PSD2: variants seen among roughly 807,000 people sequenced by gnomAD.
PSD2 encodes pleckstrin and Sec7 domain containing 2, also known as PH and SEC7 domain-containing protein 2.
PSD2 carries 38 observed loss-of-function variants against 69.8 expected under a neutral mutation model. The observed-to-expected ratio is 0.54, with a 90% confidence interval of 0.42 to 0.71. The LOEUF (loss-of-function observed/expected upper bound fraction) is 0.71, where lower values mean the gene tolerates loss of function less well. PSD2 is among the 30% of genes least tolerant of loss of function. The pLI, the probability that PSD2 is intolerant of heterozygous loss-of-function variation, is 0.00. For missense variants in PSD2, 943 were observed against 1,014.5 expected, an observed-to-expected ratio of 0.93 and a Z score of 0.96; for synonymous variants, 412 against 423.0, an observed-to-expected ratio of 0.97 and a Z score of 0.32.
At chr5:139,806,906 C>T (rs1033839910) in intron 1 of PSD2, among the ~76,000 whole-genome samples, 13 of 152,190 alleles carry the variant, frequency 8.5e-5, no homozygotes, top group Admixed American at 5.9e-4. Context: ...CTTGTCTGCC[C>T]ACCCCCAGAA....
intron 1 of PSD2, among the ~76,000 whole-genome samples, chr5:139,797,601 G>C (rs900536415): frequency 5.3e-5 from 8 of 152,202 alleles, no homozygotes. Context: ...AAGATAGCTG[G>C]AAGGAATGAC....
chr5:139,815,359 G>T (rs1021864134), intron 4 of PSD2, among the ~76,000 whole-genome samples: 2 of 152,108 alleles, frequency 1.3e-5, no homozygotes, highest in Non-Finnish European at 2.9e-5. Context: ...GCCTGCCCCT[G>T]CCCTCTCCCA....
intron 1 of PSD2, among the ~76,000 whole-genome samples, chr5:139,796,735 G>A (rs1759540450): frequency 6.6e-6 from 1 of 152,240 alleles, no homozygotes; most frequent in African/African-American, 2.4e-5. Context: ...GATCACTGGG[G>A]GCATTGTTTT....
At chr5:139,827,723 G>A (rs1001077598) in intron 7 of PSD2, among the ~76,000 whole-genome samples, 1 of 152,190 alleles carries the variant, frequency 6.6e-6, no homozygotes, top group African/African-American at 2.4e-5. Flanking sequence ...TCTTCTTCAC[G>A]AGGTGGCAGG....
chr5:139,781,579 C>A, the PSD2 span, among the ~76,000 whole-genome samples: 1 of 151,952 alleles, frequency 6.6e-6, no homozygotes, highest in Admixed American at 6.6e-5. Flanking sequence ...TCGTGATCCA[C>A]CTGTCTTGGC....
the PSD2 span, among the ~76,000 whole-genome samples, chr5:139,752,754 G>T: frequency 2.0e-5 from 3 of 152,142 alleles, no homozygotes; most frequent in East Asian, 5.8e-4. Context: ...GCACACACAA[G>T]CTCTCGCCCC....
At chr5:139,747,476 T>C in the PSD2 span, among the ~76,000 whole-genome samples, 1 of 152,100 alleles carries the variant, frequency 6.6e-6, no homozygotes, top group Non-Finnish European at 1.5e-5. This position sits in a 1 kb window ranked among gnomAD's most constrained non-coding sequence, Gnocchi z 6.7. Context: ...GGGCTGTCCC[T>C]CCCTCTGGGC....
rs1166700304 is a variant in PSD2, at chr5:139,813,503, G to A, written c.566G>A (p.Arg189His). 82 of 1,612,756 alleles carry A rather than the reference G, an allele frequency of 5.1e-5. No individual in the cohort carries two copies. The highest frequency in any genetic ancestry group is 6.6e-5 in the Non-Finnish European group (78 of 1,179,106). The change falls in exon 3 of 15, where the codon CGT becomes CAT. Residue 189 changes from arginine to histidine, a missense_variant. This residue lies in a region of PSD2 where 466 missense variants were observed against 445.0 expected (regional missense o/e 1.05). Coordinates refer to ENST00000274710, the MANE Select transcript of PSD2 (RefSeq NM_032289.4). Reference protein sequence around the residue: ...PLTPLIQQRARDSPEPGAGLG... With the variant: ...PLTPLIQQRAHDSPEPGAGLG... ...ACACCCCTCATCCAGCAGCGGGCCCGTGACAGCCCTGAGCCAGGGGCTGGG... is the reference window on the plus strand; with the variant it reads ...ACACCCCTCATCCAGCAGCGGGCCCATGACAGCCCTGAGCCAGGGGCTGGG...
At chr5:139,770,522 C>T in the PSD2 span, among the ~76,000 whole-genome samples, 3 of 151,988 alleles carry the variant, frequency 2.0e-5, no homozygotes, top group Non-Finnish European at 2.9e-5. Flanking sequence ...GCTGAGATCG[C>T]GGCACTACAC....
At chr5:139,779,646 C>CT in the PSD2 span, among the ~76,000 whole-genome samples, 1 of 152,212 alleles carries the variant, frequency 6.6e-6, no homozygotes, top group African/African-American at 2.4e-5. Context: ...AAGCCCAACT[C>CT]TATCAAGATA....
the PSD2 span, among the ~76,000 whole-genome samples, chr5:139,788,654 G>A: frequency 6.6e-6 from 1 of 152,204 alleles, no homozygotes; most frequent in South Asian, 2.1e-4. Context: ...ACAGGCTCCC[G>A]GAGGCCCACA....
At chr5:139,758,661 C>A in the PSD2 span, among the ~76,000 whole-genome samples, 369 of 152,176 alleles carry the variant, frequency 2.4e-3, 3 homozygotes, top group African/African-American at 8.2e-3. Context: ...TCCCTGCGTC[C>A]GGGAACTAGA....
chr5:139,814,171 G>A lies in PSD2; in HGVS notation c.823G>A (p.Asp275Asn), dbSNP rs779280368. The change falls in exon 4 of 15, where the codon GAC (aspartate) becomes AAC (asparagine). Residue 275 changes from aspartate to asparagine, a missense_variant and splice_region_variant. Asp to Asn is a conservative substitution (Grantham distance 23). This residue lies in a region of PSD2 where 466 missense variants were observed against 445.0 expected (regional missense o/e 1.05). Coordinates refer to ENST00000274710, the MANE Select transcript of PSD2 (RefSeq NM_032289.4). This position sits in a 1 kb window ranked among gnomAD's most constrained non-coding sequence, Gnocchi z 4.4. ...DTDKLLNSAS[D>N]PSLKDGLSDS... ...CTTCCACCCACCTTCCATCTGCAGT[G>A]ACCCCAGCCTGAAGGATGGCCTGTC... 7 of 1,612,734 alleles carry A rather than the reference G, an allele frequency of 4.3e-6. No homozygotes were observed. Among genetic ancestry groups the A allele is most frequent in the African/African-American group, 2.7e-5 (2 of 74,970 alleles).
At position 139,813,705 on chromosome 5, in the gene PSD2, G is replaced by C. The variant is rs1431781384; in HGVS notation, c.768G>C (p.Gly256=). The change falls in exon 3 of 15, where the codon GGG becomes GGC. Residue 256 remains glycine, a synonymous_variant. Transcript: ENST00000274710. ...GFHEDGPQGP[G]GDEDDDEEDT... is the part of the protein sequence containing the mutation. ...ATGAAGATGGCCCTCAGGGCCCAGG[G>C]GGGGATGAGGATGATGATGAGGAGG... 10 of 1,613,498 alleles carry C rather than the reference G, an allele frequency of 6.2e-6. No individual in the cohort carries two copies. The highest frequency in any genetic ancestry group is 2.2e-5 in the East Asian group (1 of 44,872).
Position 139,835,778 on chromosome 5 carries a change from C to T in PSD2, c.1403+12C>T, listed in dbSNP as rs373378634. ...CTGGAATGGGCCATGTGAGTAGTGACGATGGGCACAGGTATGGGGAGCATA... is the reference window on the plus strand; with the variant it reads ...CTGGAATGGGCCATGTGAGTAGTGATGATGGGCACAGGTATGGGGAGCATA... On this transcript the variant is annotated intron_variant, in intron 9 of 14. Transcript: ENST00000274710. The T allele has an allele frequency of 4.5e-5, 72 of 1,613,450 alleles. No homozygotes were observed. Among genetic ancestry groups the T allele is most frequent in the African/African-American group, 8.0e-5 (6 of 74,882 alleles).
At chr5:139,813,172 T>C in intron 2 of PSD2, 137 bp from the exon 3 acceptor site, 1 of 665,812 alleles carries the variant, frequency 1.5e-6, no homozygotes, top group Admixed American at 2.7e-5. Context: ...TCAGTTAGTA[T>C]TGGCTGAAGG....
At chr5:139,794,623 G>A (rs926054838), upstream of PSD2, among the ~76,000 whole-genome samples, 5 of 152,180 alleles carry the variant, frequency 3.3e-5, no homozygotes, top group Admixed American at 2.6e-4. Flanking sequence ...AGGCCCCACC[G>A]GGCAGAGTGT....
the PSD2 span, among the ~76,000 whole-genome samples, chr5:139,767,137 C>T: frequency 6.6e-6 from 1 of 151,482 alleles, no homozygotes; most frequent in Admixed American, 6.6e-5. Flanking sequence ...GGACTACAGG[C>T]ACCCGCCACC....
intron 7 of PSD2, among the ~76,000 whole-genome samples, chr5:139,829,646 T>C (rs1401403443): frequency 1.3e-5 from 2 of 152,234 alleles, no homozygotes; most frequent in African/African-American, 4.8e-5. Flanking sequence ...GATTCATTCA[T>C]GTTGTCGCAT....
Sources: allele counts gnomAD v4.1 joint callset (sites outside exome capture counted in the v4.1 genomes callset), GRCh38; gene constraint gnomAD v4.1.1; regional missense constraint gnomAD v4.1.1; non-coding constraint Gnocchi (gnomAD v3.1); transcripts MANE v1.5; gene names NCBI Gene and HGNC (gene_info 2026-07-23, HGNC 2026-07-21).